Variants in C4orf50 observed in about 807,000 individuals in gnomAD.
C4orf50 encodes the protein chromosome 4 open reading frame 50.
A neutral mutation model predicts 77.2 loss-of-function variants in C4orf50; 80 were observed. That is an observed-to-expected ratio of 1.04 (90% CI 0.87 to 1.25). The LOEUF (loss-of-function observed/expected upper bound fraction) is 1.25, where lower values mean the gene tolerates loss of function less well. C4orf50 is among the 50% of genes most tolerant of loss of function. The pLI, the probability that C4orf50 is intolerant of heterozygous loss-of-function variation, is 0.00. For missense variants in C4orf50, 1,257 were observed against 1,152.9 expected, an observed-to-expected ratio of 1.09 and a Z score of -1.31; for synonymous variants, 532 against 465.3, an observed-to-expected ratio of 1.14 and a Z score of -1.84.
rs1207066769 is a variant in C4orf50 at position 6,008,414 on chromosome 4, C to A, written c.545G>T (p.Arg182Leu). 2 of 395,062 alleles carry A rather than the reference C, an allele frequency of 5.1e-6. No individual in the cohort carries two copies. Among genetic ancestry groups the A allele is most frequent in the East Asian group, 3.6e-5 (1 of 27,816 alleles). 24.5% of individuals were successfully genotyped at this position (395,062 alleles called of 1,614,324 possible). A position where few individuals can be genotyped will look rare whatever the true frequency, so the allele number is the denominator to read the frequency against. ...CAGGCCCAGCTGGCGCCGCTGGGTC[C>A]GCCGGCAGCGCTCCAGGGCCGCCGC... The change falls in exon 25 of 34, where the codon CGG (arginine) becomes CTG (leucine). Residue 182 changes from arginine to leucine, a missense_variant. By Grantham distance (102) the Arg-to-Leu change is moderately radical. Transcript: ENST00000531445. This position sits in a 1 kb window ranked among gnomAD's most constrained non-coding sequence, Gnocchi z 6.0.
At chr4:5,967,878 G>A (rs547203680) in intron 31 of C4orf50, among the ~76,000 whole-genome samples, 13 of 152,342 alleles carry the variant, frequency 8.5e-5, no homozygotes, top group African/African-American at 4.8e-5. Flanking sequence ...CTGCACCACC[G>A]CACAGACCAG....
Position 6,011,677 on chromosome 4 carries a change from G to A in C4orf50, c.426+153C>T, listed in dbSNP as rs978888973. On this transcript the variant is annotated intron_variant, in intron 24 of 33. Coordinates refer to ENST00000531445, the Ensembl canonical transcript of C4orf50. This position sits in a 1 kb window ranked among gnomAD's most constrained non-coding sequence, Gnocchi z 4.2. ...TGCATGCCCCAGGCCCCGCAGTCAC[G>A]CCATGCACCATGAACGTAGGATCTC... is the stretch of plus-strand genomic sequence containing the variant. Among the ~76,000 whole-genome samples the A allele has an allele frequency of 1.3e-5, 2 of 152,032 alleles. No individual in the cohort carries two copies. The highest frequency in any genetic ancestry group is 1.9e-4 in the East Asian group (1 of 5,186).
intron 26 of C4orf50, among the ~76,000 whole-genome samples, chr4:5,993,980 G>A (rs1172194900): frequency 1.3e-5 from 2 of 152,298 alleles, no homozygotes; most frequent in East Asian, 3.9e-4. Context: ...TGTCACCTGG[G>A]AAGTGGGGGG....
rs969789215 is a variant in C4orf50, at chr4:5,964,716, C to T, written c.4275+308G>A. Among the ~76,000 whole-genome samples, 4 of 142,744 alleles carry T rather than the reference C, an allele frequency of 2.8e-5. No individual in the cohort carries two copies. The Admixed American group carries it at 2.9e-4, about 10-fold the overall frequency. The allele number at this position is 142,744 out of a possible 152,430, so 93.6% of individuals were successfully genotyped here. A position where few individuals can be genotyped will look rare whatever the true frequency, so the allele number is the denominator to read the frequency against. On this transcript the variant is annotated intron_variant, in intron 33 of 33. Coordinates refer to ENST00000531445, the Ensembl canonical transcript of C4orf50. ...CCAGGAGGCAGAGGTTGCAGTGAGC[C>T]GAGATCGCGCCACTGCACTCCAGCC... is the stretch of plus-strand genomic sequence containing the variant.
At chr4:5,960,274 C>T (rs963099383) in intron 33 of C4orf50, among the ~76,000 whole-genome samples, 11 of 152,206 alleles carry the variant, frequency 7.2e-5, no homozygotes, top group African/African-American at 2.2e-4. Context: ...GATCCCTTCA[C>T]GACCAACATC....
At chr4:5,973,984 G>A in intron 30 of C4orf50, 143 bp from the exon 9 acceptor site, 1 of 676,922 alleles carries the variant, frequency 1.5e-6, no homozygotes, top group Non-Finnish European at 2.4e-6. Flanking sequence ...CCTCCTCCCT[G>A]CGAAGCCTCC....
At chr4:6,002,466 G>T (rs935360342) in intron 25 of C4orf50, among the ~76,000 whole-genome samples, 1 of 152,224 alleles carries the variant, frequency 6.6e-6, no homozygotes, top group South Asian at 2.1e-4. Context: ...GCTGTGCCTT[G>T]CCTGTTTCCT....
chr4:5,934,132 G>A lies in C4orf50; in HGVS notation c.*2474+22769C>T, dbSNP rs75529930. On this transcript the variant is annotated intron_variant, in intron 7 of 7. Transcript: ENST00000324058. ...AATTCACTTCGCCTCCCTGCACCTCGGTCTCCTCATCTGTAAGAAGGGGTG... is the reference window on the plus strand; with the variant it reads ...AATTCACTTCGCCTCCCTGCACCTCAGTCTCCTCATCTGTAAGAAGGGGTG... 6.7e-3 allele frequency among the ~76,000 whole-genome samples: 1,016 copies of A among 151,926 alleles called. 10 individuals carry two copies. The highest frequency in any genetic ancestry group is 0.023 in the African/African-American group (971 of 41,428).
At chr4:5,939,512 G>A (rs966093421) in intron 7 of C4orf50, among the ~76,000 whole-genome samples, 2 of 152,154 alleles carry the variant, frequency 1.3e-5, no homozygotes, top group Non-Finnish European at 2.9e-5. Flanking sequence ...GCTCACTGAC[G>A]GCTGCTCCAG....
chr4:5,898,288 T>C (rs538361175), intron 7 of C4orf50: 2 of 152,194 alleles, frequency 1.3e-5, no homozygotes, highest in Non-Finnish European at 1.5e-5. Context: ...GAAGAGATCA[T>C]CTTATTCCCC....
chr4:6,003,306 C>T (rs1721919997), intron 25 of C4orf50, among the ~76,000 whole-genome samples: 1 of 152,050 alleles, frequency 6.6e-6, no homozygotes, highest in South Asian at 2.1e-4. Flanking sequence ...CAGGATAAGC[C>T]CTCAGGAAAA....
At chr4:5,921,340 G>A (rs1447407816) in intron 7 of C4orf50, among the ~76,000 whole-genome samples, 3 of 152,254 alleles carry the variant, frequency 2.0e-5, no homozygotes, top group Non-Finnish European at 4.4e-5. Context: ...CTGCCTCCCA[G>A]TCAGGCGGTG....
chr4:5,917,013 C>T (rs1477048655), intron 7 of C4orf50, among the ~76,000 whole-genome samples: 2 of 152,176 alleles, frequency 1.3e-5, no homozygotes, highest in Non-Finnish European at 1.5e-5. Context: ...TTAGCCAAAC[C>T]TAAGTAAAGA....
chr4:5,933,570 C>T (rs565370474), intron 7 of C4orf50, among the ~76,000 whole-genome samples: 5 of 152,348 alleles, frequency 3.3e-5, no homozygotes, highest in South Asian at 2.1e-4. Flanking sequence ...AGCTATGTGG[C>T]TCATCCCCAT....
chr4:5,897,730 A>G (rs1210091004), exon 8 of C4orf50: 2 of 152,224 alleles, frequency 1.3e-5, no homozygotes, highest in Non-Finnish European at 2.9e-5. Context: ...AAATGGAGCG[A>G]TCATTACAAA....
At position 5,989,198 on chromosome 4, in the gene C4orf50, C is replaced by G. The variant is rs562537617; in HGVS notation, c.2848G>C (p.Asp950His). 66 of 1,536,068 alleles carry G rather than the reference C, an allele frequency of 4.3e-5. 1 individual carries two copies. In the South Asian group the frequency reaches 7.4e-4, roughly 17 times the overall value. The change falls in exon 28 of 34, where the codon GAC (aspartate) becomes CAC (histidine). Residue 950 changes from aspartate (D) to histidine (H), a missense_variant. Asp to His is a moderately conservative substitution (Grantham distance 81). Transcript: ENST00000531445. The stretch of plus-strand genomic sequence containing the variant: ...ACTCTTTCATGGAACCTCTCTTGGT[C>G]TCCGTGAAGTTTGGTGTTGTCATGT...
At position 5,988,491 on chromosome 4, in the gene C4orf50, C is replaced by T; in HGVS notation, c.3555G>A (p.Trp1185Ter). Reference sequence around the variant, plus strand: ...GGGCATTGGCTACACCAGTGTTTCTCCAGACCAGCGATGGAGGGGGAGAAT... The same window carrying T: ...GGGCATTGGCTACACCAGTGTTTCTTCAGACCAGCGATGGAGGGGGAGAAT... The change falls in exon 28 of 34, where the codon TGG (tryptophan) becomes TGA (stop). Residue 1185 changes from tryptophan to a stop codon, truncating the protein, a stop_gained. Transcript: ENST00000531445. LOFTEE classifies it high-confidence loss of function. 4 of 1,547,190 alleles carry T rather than the reference C, an allele frequency of 2.6e-6. No individual in the cohort carries two copies. Among genetic ancestry groups the T allele is most frequent in the Non-Finnish European group, 3.5e-6 (4 of 1,150,690 alleles).
At chr4:5,927,488 A>G (rs1717569054) in intron 7 of C4orf50, among the ~76,000 whole-genome samples, 1 of 151,778 alleles carries the variant, frequency 6.6e-6, no homozygotes, top group Admixed American at 6.6e-5. Context: ...CTCAAATTGT[A>G]AACCCCATGT....
At chr4:5,994,606 A>C (rs375016075) in intron 25 of C4orf50, 130 bp from the exon 4 acceptor site, 1 of 397,416 alleles carries the variant, frequency 2.5e-6, no homozygotes, top group Non-Finnish European at 4.4e-6. Flanking sequence ...ACTGAGGCTC[A>C]GAGGGCAGAG....
Sources: gnomAD v4.1 joint callset for allele counts (sites outside exome capture counted in the v4.1 genomes callset) on GRCh38, gnomAD v4.1.1 for gene constraint, Gnocchi (gnomAD v3.1) non-coding constraint, MANE v1.5 for transcripts, NCBI Gene and HGNC (gene_info 2026-07-23, HGNC 2026-07-21) for gene names.